UCHL1: variants seen among roughly 807,000 people sequenced by gnomAD.
UCHL1 encodes the protein ubiquitin C-terminal hydrolase L1, also known as ubiquitin carboxyl-terminal hydrolase isozyme L1.
UCHL1 carries 5 observed loss-of-function variants against 33.3 expected under a neutral mutation model. That is an observed-to-expected ratio of 0.15 (90% CI 0.08 to 0.32). The LOEUF (loss-of-function observed/expected upper bound fraction) is 0.32, where lower values mean the gene tolerates loss of function less well. UCHL1 is among the 10% of genes least tolerant of loss of function. The pLI, the probability that UCHL1 is intolerant of heterozygous loss-of-function variation, is 1.00. For missense variants in UCHL1, 236 were observed against 280.0 expected (o/e 0.84, Z 1.12); for synonymous variants, 132 against 108.8 (o/e 1.21, Z -1.33).
At chr4:41,263,025 C>T (rs1201520322) in intron 6 of UCHL1, among the ~76,000 whole-genome samples, 200 bp from the exon 7 acceptor site, 1 of 152,200 alleles carries the variant, frequency 6.6e-6, no homozygotes, top group Non-Finnish European at 1.5e-5. Context: ...GTAGTAATAG[C>T]ATCCTCATAG....
rs373327947 is a variant in UCHL1 at position 41,260,642 on chromosome 4, C to T, written c.175-5C>T. ...GAGATGTAAAAACGCTTTTTACATT[C>T]GCAGCATGAGAACTTCAGGAAAAAG... On this transcript the variant is annotated splice_region_variant and splice_polypyrimidine_tract_variant and intron_variant, in intron 3 of 8. Coordinates refer to ENST00000284440, the MANE Select transcript of UCHL1 (RefSeq NM_004181.5). The T allele has an allele frequency of 1.5e-4, 245 of 1,614,124 alleles. 2 individuals carry two copies. The highest frequency in any genetic ancestry group is 1.0e-3 in the African/African-American group (76 of 75,042).
intron 2 of UCHL1, 104 bp from the exon 3 acceptor site, chr4:41,257,505 C>T: frequency 1.5e-6 from 2 of 1,343,126 alleles, no homozygotes; most frequent in Non-Finnish European, 1.9e-6. Flanking sequence ...CTCCCAGGCT[C>T]GGGTGCGGGC....
intron 4 of UCHL1, 30 bp from the exon 5 acceptor site, chr4:41,261,685 C>T: frequency 6.2e-7 from 1 of 1,600,022 alleles, no homozygotes. Flanking sequence ...ATTATTTTAC[C>T]TATACTAACA....
chr4:41,266,849 C>T (rs28581187), intron 8 of UCHL1, among the ~76,000 whole-genome samples: 2,729 of 152,124 alleles, frequency 0.018, 53 homozygotes, highest in East Asian at 0.11. Context: ...TCAAGTCATC[C>T]GCTGCCTCAG....
rs1781002565 is a variant in UCHL1, at chr4:41,257,672, G to A, written c.109G>A (p.Glu37Lys). 4 of 1,574,496 alleles carry A rather than the reference G, an allele frequency of 2.5e-6. No individual in the cohort carries two copies. Among genetic ancestry groups the A allele is most frequent in the Non-Finnish European group, 3.4e-6 (4 of 1,163,444 alleles). ...RFVDVLGLEE[E>K]SLGSVPAPAC... ...CGTGGACGTGCTGGGGCTGGAAGAG[G>A]AGTCTCTGGGCTCGGTGCCAGCGCC... Residue 37 changes from glutamate (E) to lysine (K), a missense_variant, in exon 3 of 9, where the codon GAG becomes AAG. By Grantham distance (56) the Glu-to-Lys change is moderately conservative. Coordinates refer to ENST00000284440, the MANE Select transcript of UCHL1 (RefSeq NM_004181.5).
chr4:41,257,015 C>T lies in UCHL1; in HGVS notation c.33+6C>T, dbSNP rs1780985305. 3 of 1,614,074 alleles carry T rather than the reference C, an allele frequency of 1.9e-6. No individual in the cohort carries two copies. In the African/African-American group the frequency reaches 4.0e-5, roughly 22 times the overall value. On this transcript the variant is annotated splice_donor_region_variant and intron_variant, in intron 1 of 8. Coordinates refer to ENST00000284440, the MANE Select transcript of UCHL1 (RefSeq NM_004181.5). Reference sequence around the variant, plus strand: ...CGATGGAGATCAACCCCGAGGTGAGCGCCAGGTGCACCGCTACCCGGAGAG... The same window carrying T: ...CGATGGAGATCAACCCCGAGGTGAGTGCCAGGTGCACCGCTACCCGGAGAG...
intron 3 of UCHL1, among the ~76,000 whole-genome samples, chr4:41,260,215 T>C (rs931340202): frequency 6.6e-6 from 1 of 152,218 alleles, no homozygotes; most frequent in Non-Finnish European, 1.5e-5. Context: ...AATAATGAAA[T>C]GTAAACCAGC....
chr4:41,268,025 G>A lies in UCHL1; in HGVS notation c.624G>A (p.Glu208=), dbSNP rs1298678099. The change falls in exon 9 of 9, where the codon GAG becomes GAA. Residue 208 remains glutamate, a synonymous_variant. Coordinates refer to ENST00000284440, the MANE Select transcript of UCHL1 (RefSeq NM_004181.5). The stretch of plus-strand genomic sequence containing the variant: ...TCTGCAGAGAATTCACCGAGCGTGA[G>A]CAAGGAGAAGTCCGCTTCTCTGCCG... The part of the protein sequence containing the change: ...AKVCREFTER[E]QGEVRFSAVA... 1 of 1,613,714 alleles carries A rather than the reference G, an allele frequency of 6.2e-7. No homozygotes were observed. Among genetic ancestry groups the A allele is most frequent in the Non-Finnish European group, 8.5e-7 (1 of 1,179,872 alleles).
chr4:41,268,178 GTTC>G lies in UCHL1; in HGVS notation c.*110_*112del, dbSNP rs1580929311. The G allele has an allele frequency of 1.8e-6, 2 of 1,092,866 alleles. No individual in the cohort carries two copies. Among genetic ancestry groups the G allele is most frequent in the Non-Finnish European group, 2.7e-6 (2 of 734,654 alleles). The allele number at this position is 1,092,866 out of a possible 1,614,324, so 67.7% of individuals were successfully genotyped here. On this transcript the variant is annotated 3_prime_UTR_variant, in exon 9 of 9. Transcript: ENST00000284440. ...GCTTCAGTACTTGTGAAACACAGCT[GTTC>G]TTCTGTTCTGCAGACACGCCTTCCC... is the stretch of plus-strand genomic sequence containing the variant.
intron 7 of UCHL1, among the ~76,000 whole-genome samples, 176 bp downstream of exon 7, chr4:41,263,467 C>T (rs1380584705): frequency 6.6e-6 from 1 of 152,168 alleles, no homozygotes; most frequent in East Asian, 1.9e-4. Flanking sequence ...GAGCAACTTC[C>T]TCAGGCAACT....
intron 7 of UCHL1, 55 bp downstream of exon 7, chr4:41,263,346 T>C (rs1426188404): frequency 2.0e-6 from 3 of 1,495,142 alleles, no homozygotes; most frequent in Non-Finnish European, 1.9e-6. Flanking sequence ...TCTTTCAGAC[T>C]GAATTTCTCT....
chr4:41,259,883 A>G (rs1018331314), intron 3 of UCHL1, among the ~76,000 whole-genome samples: 1 of 152,218 alleles, frequency 6.6e-6, no homozygotes, highest in African/African-American at 2.4e-5. Context: ...AAGTCCAGAT[A>G]GGCTTACTAA....
chr4:41,258,505 T>C (rs1447250950), intron 3 of UCHL1, among the ~76,000 whole-genome samples: 9 of 152,174 alleles, frequency 5.9e-5, no homozygotes, highest in Admixed American at 5.2e-4. Context: ...GCGTCAGATT[T>C]TTTTTTTTAA....
Position 41,257,110 on chromosome 4 carries a change from T to G in UCHL1, c.34-5T>G. 1 of 1,613,640 alleles carries G rather than the reference T, an allele frequency of 6.2e-7. No homozygotes were observed. Among genetic ancestry groups the G allele is most frequent in the Non-Finnish European group, 8.5e-7 (1 of 1,179,894 alleles). Reference sequence around the variant, plus strand: ...TTTGCCTTTTTCTTTGCATTTGCCTTTCAGATGCTGAACAAAGTGAGTGGC... The same window carrying G: ...TTTGCCTTTTTCTTTGCATTTGCCTGTCAGATGCTGAACAAAGTGAGTGGC... On this transcript the variant is annotated splice_polypyrimidine_tract_variant and splice_region_variant and intron_variant, in intron 1 of 8. Transcript: ENST00000284440.
intron 7 of UCHL1, among the ~76,000 whole-genome samples, 183 bp downstream of exon 7, chr4:41,263,474 A>T (rs1341292500): frequency 6.6e-6 from 1 of 152,168 alleles, no homozygotes; most frequent in African/African-American, 2.4e-5. Flanking sequence ...TTCCTCAGGC[A>T]ACTGACTAGC....
chr4:41,267,789 G>A (rs1781177819), intron 8 of UCHL1, among the ~76,000 whole-genome samples, 198 bp from the exon 9 acceptor site: 1 of 152,126 alleles, frequency 6.6e-6, no homozygotes, highest in East Asian at 1.9e-4. Context: ...TGGTGGAAGT[G>A]ATAAGTCAAA....
Position 41,256,990 on chromosome 4 carries a change from C to A in UCHL1, c.14C>A (p.Pro5Gln). The A allele has an allele frequency of 1.2e-6, 2 of 1,614,168 alleles. No individual in the cohort carries two copies. Among genetic ancestry groups the A allele is most frequent in the Non-Finnish European group, 1.7e-6 (2 of 1,180,016 alleles). MQLK[P>Q]MEINPEMLNK... ...CGCTCCGCGAAGATGCAGCTCAAGC[C>A]GATGGAGATCAACCCCGAGGTGAGC... is the stretch of plus-strand genomic sequence containing the variant. Residue 5 changes from proline to glutamine, a missense_variant, in exon 1 of 9, where the codon CCG (proline) becomes CAG (glutamine). By Grantham distance (76) the Pro-to-Gln change is moderately conservative. Coordinates refer to ENST00000284440, the MANE Select transcript of UCHL1 (RefSeq NM_004181.5).
At chr4:41,257,579 G>A in intron 2 of UCHL1, 30 bp from the exon 3 acceptor site, 1 of 1,492,570 alleles carries the variant, frequency 6.7e-7, no homozygotes, top group Non-Finnish European at 8.9e-7. Flanking sequence ...GTGTCCCCGT[G>A]CGCCTGGCCG....
intron 3 of UCHL1, 117 bp downstream of exon 3, chr4:41,257,854 A>G (rs1267008434): frequency 2.2e-5 from 32 of 1,422,580 alleles, no homozygotes; most frequent in Middle Eastern, 2.5e-4. Context: ...GGGCGCGCCT[A>G]CAAGGAAGGG....
Sources: allele counts gnomAD v4.1 joint callset (sites outside exome capture counted in the v4.1 genomes callset), GRCh38; gene constraint gnomAD v4.1.1; transcripts MANE v1.5; gene names NCBI Gene and HGNC (gene_info 2026-07-23, HGNC 2026-07-21).